The following STPG2 variants were observed in gnomAD, a reference collection of about 807,000 sequenced individuals.
STPG2 encodes sperm tail PG-rich repeat containing 2, also known as sperm-tail PG-rich repeat-containing protein 2.
Under a neutral mutation model 54.2 loss-of-function variants are expected in STPG2, and 56 were observed. The observed-to-expected ratio is 1.03, with a 90% CI of 0.83 to 1.29. STPG2 has a LOEUF of 1.29. Among genes scored for constraint, STPG2 ranks in the 50% most tolerant of loss-of-function variants. STPG2 has a pLI of 0.00. For missense variants in STPG2, 596 were observed against 544.9 expected, an observed-to-expected ratio of 1.09 and a Z score of -0.93; for synonymous variants, 200 against 181.8, an observed-to-expected ratio of 1.10 and a Z score of -0.81.
chr4:97,925,173 T>C (rs1011632682), intron 8 of STPG2, among the ~76,000 whole-genome samples: 10 of 152,212 alleles, frequency 6.6e-5, no homozygotes, highest in Admixed American at 2.0e-4. Flanking sequence ...AAGTTCTGAA[T>C]TGCATTCTCT....
At chr4:97,953,103 G>A (rs1302424542) in intron 7 of STPG2, among the ~76,000 whole-genome samples, 1 of 152,166 alleles carries the variant, frequency 6.6e-6, no homozygotes, top group African/African-American at 2.4e-5. Flanking sequence ...GAGGAGCAAA[G>A]CCAGGTGGGG....
rs764332718 is a variant in STPG2, at chr4:97,720,637, A to AT, written c.1205-7824dup. The stretch of plus-strand genomic sequence containing the variant: ...TAAGCATAGTTGATAAATTTAGGGA[A>AT]TTTTTTTTTGAATTAATTACTAATT... On this transcript the variant is annotated intron_variant, in intron 9 of 10. Transcript: ENST00000295268. 4.2e-3 allele frequency among the ~76,000 whole-genome samples: 642 copies of AT among 151,586 alleles called. 4 individuals are homozygous for AT. The highest frequency in any genetic ancestry group is 0.021 in the South Asian group (99 of 4,804).
chr4:97,906,818 C>A (rs1445978683), intron 8 of STPG2, among the ~76,000 whole-genome samples: 1 of 152,284 alleles, frequency 6.6e-6, no homozygotes, highest in Non-Finnish European at 1.5e-5. Flanking sequence ...ATTCAACACC[C>A]CGTCAAACTA....
intron 10 of STPG2, among the ~76,000 whole-genome samples, chr4:97,657,004 T>C (rs1183248725): frequency 1.3e-5 from 2 of 152,096 alleles, no homozygotes; most frequent in Non-Finnish European, 2.9e-5. Context: ...AATTGCAGTT[T>C]ATTTTTCAAT....
chr4:97,540,126 C>T (rs957072482), intron 4 of STPG2, among the ~76,000 whole-genome samples: 2 of 152,064 alleles, frequency 1.3e-5, no homozygotes, highest in African/African-American at 4.8e-5. Flanking sequence ...TAACTAAGAT[C>T]AGAGCAGAAC....
rs1011386454 is a variant in STPG2 at position 98,086,668 on chromosome 4, A to G, written c.612+19285T>C. Among the ~76,000 whole-genome samples, 86 of 49,650 alleles carry G rather than the reference A, an allele frequency of 1.7e-3. No individual in the cohort carries two copies. The Admixed American group carries it at 0.023, about 13-fold the overall frequency. The allele number at this position is 49,650 out of a possible 152,430, so 32.6% of individuals were successfully genotyped here. On this transcript the variant is annotated intron_variant, in intron 5 of 10. Coordinates refer to ENST00000295268, the MANE Select transcript of STPG2 (RefSeq NM_174952.3). The stretch of plus-strand genomic sequence containing the variant: ...AATGAATCCACAGATGCATGCCAGA[A>G]AAAAAAAAAAAAAAAAAAAGGTGCC...
chr4:97,919,081 GGGA>G (rs1339022941), intron 8 of STPG2, among the ~76,000 whole-genome samples: 2 of 151,934 alleles, frequency 1.3e-5, no homozygotes, highest in Non-Finnish European at 2.9e-5. Flanking sequence ...AAACTACATA[GGGA>G]TTAAACACAC....
At chr4:97,670,103 T>G (rs996048365) in intron 10 of STPG2, among the ~76,000 whole-genome samples, 4 of 152,126 alleles carry the variant, frequency 2.6e-5, no homozygotes, top group African/African-American at 7.2e-5. Context: ...AAAAATAAAC[T>G]TCATTAAATT....
At chr4:97,739,927 C>A (rs1283382708) in intron 9 of STPG2, among the ~76,000 whole-genome samples, 7 of 151,962 alleles carry the variant, frequency 4.6e-5, no homozygotes, top group Non-Finnish European at 7.4e-5. Flanking sequence ...GAATTTTAGA[C>A]CAATATCCTT....
chr4:97,711,669 C>CTT (rs1242814556), intron 10 of STPG2, among the ~76,000 whole-genome samples: 1,993 of 133,658 alleles, frequency 0.015, 52 homozygotes, highest in African/African-American at 0.051. Context: ...TATTTACTTA[C>CTT]TTTTTTTTTT....
At chr4:97,566,691 A>G (rs1732456412) in intron 10 of STPG2, among the ~76,000 whole-genome samples, 1 of 152,116 alleles carries the variant, frequency 6.6e-6, no homozygotes. Context: ...ACCATGGAAT[A>G]CTATGCAGCC....
At chr4:97,590,153 T>C (rs1733100268) in intron 10 of STPG2, among the ~76,000 whole-genome samples, 2 of 152,128 alleles carry the variant, frequency 1.3e-5, no homozygotes, top group Non-Finnish European at 2.9e-5. Flanking sequence ...TAAATACATA[T>C]ACTTATATAG....
At chr4:97,873,203 T>C (rs543548564) in intron 8 of STPG2, among the ~76,000 whole-genome samples, 1 of 151,372 alleles carries the variant, frequency 6.6e-6, no homozygotes, top group African/African-American at 2.4e-5. Flanking sequence ...CTTCCTTCTT[T>C]CCTTTTTTCC....
intron 4 of STPG2, among the ~76,000 whole-genome samples, chr4:97,444,909 C>A (rs1053626225): frequency 6.6e-6 from 1 of 151,960 alleles, no homozygotes; most frequent in Admixed American, 6.6e-5. Context: ...TGGTAGCAGG[C>A]GCCTGTGGTC....
At chr4:97,708,268 C>G (rs1302756130) in intron 10 of STPG2, among the ~76,000 whole-genome samples, 2 of 151,810 alleles carry the variant, frequency 1.3e-5, no homozygotes, top group African/African-American at 4.8e-5. Context: ...AAAAAATTCA[C>G]TTGGCAAAGG....
At chr4:97,624,482 T>A (rs1734090187) in intron 10 of STPG2, among the ~76,000 whole-genome samples, 1 of 152,206 alleles carries the variant, frequency 6.6e-6, no homozygotes, top group Non-Finnish European at 1.5e-5. Flanking sequence ...TTCGTTTTGT[T>A]CTTGTAAATT....
chr4:97,475,133 T>C (rs1730038843), intron 4 of STPG2, among the ~76,000 whole-genome samples: 1 of 152,056 alleles, frequency 6.6e-6, no homozygotes, highest in African/African-American at 2.4e-5. Flanking sequence ...GCCTCATATA[T>C]AATTTAATTA....
chr4:97,897,156 G>A (rs1730988111), intron 8 of STPG2, among the ~76,000 whole-genome samples: 1 of 152,028 alleles, frequency 6.6e-6, no homozygotes, highest in Non-Finnish European at 1.5e-5. Flanking sequence ...AAAATATGCA[G>A]TATTTGGTTT....
At chr4:98,140,150 CAG>C (rs1040217616) in intron 1 of STPG2, among the ~76,000 whole-genome samples, 1 of 152,126 alleles carries the variant, frequency 6.6e-6, no homozygotes, top group Non-Finnish European at 1.5e-5. Context: ...AGAAAGAAAA[CAG>C]TGTACTGGAC....
Sources: allele counts gnomAD v4.1 joint callset (sites outside exome capture counted in the v4.1 genomes callset), GRCh38; gene constraint gnomAD v4.1.1; transcripts MANE v1.5; gene names NCBI Gene and HGNC (gene_info 2026-07-23, HGNC 2026-07-21).